FRMD4B: variants seen among roughly 807,000 people sequenced by gnomAD.
FRMD4B encodes FERM domain-containing protein 4B.
Under a neutral mutation model 141.5 loss-of-function variants are expected in FRMD4B, and 74 were observed. The ratio of observed to expected loss-of-function variants is 0.52; its 90% confidence interval spans 0.43 to 0.63. The LOEUF (loss-of-function observed/expected upper bound fraction) is 0.63. Ranked by LOEUF, FRMD4B falls within the 30% of genes least tolerant of loss-of-function variation. FRMD4B has a pLI of 0.00. For missense variants in FRMD4B, 1,366 were observed against 1,253.4 expected (o/e 1.09, Z -1.36); for synonymous variants, 506 against 467.9 (o/e 1.08, Z -1.05).
intron 2 of FRMD4B, among the ~76,000 whole-genome samples, chr3:69,429,462 A>G (rs1385018753): frequency 6.6e-6 from 1 of 152,224 alleles, no homozygotes; most frequent in African/African-American, 2.4e-5. Flanking sequence ...ATAGGTGACG[A>G]GCATGGTTAT....
At chr3:69,390,524 A>G (rs575231903), upstream of FRMD4B, among the ~76,000 whole-genome samples, 1 of 152,232 alleles carries the variant, frequency 6.6e-6, no homozygotes, top group East Asian at 1.9e-4. Context: ...AATGCACTGG[A>G]GAGCCCCCAG....
chr3:69,198,462 T>C (rs1019813350), intron 12 of FRMD4B: 8 of 469,504 alleles, frequency 1.7e-5, no homozygotes, highest in African/African-American at 1.6e-4. Context: ...TGTGTCGGCA[T>C]TGGAACCACA....
chr3:69,381,132 C>G (rs562294193), intron 1 of FRMD4B, among the ~76,000 whole-genome samples: 4 of 152,288 alleles, frequency 2.6e-5, no homozygotes, highest in Admixed American at 2.6e-4. Flanking sequence ...TCAAGGCAGC[C>G]TCAATGCAGC....
chr3:69,376,935 C>T (rs1703987606), intron 1 of FRMD4B: 3 of 152,002 alleles, frequency 2.0e-5, no homozygotes, highest in African/African-American at 7.3e-5. Flanking sequence ...TTTTATGCTA[C>T]AAGCTCCACC....
intron 1 of FRMD4B, chr3:69,353,563 C>T (rs1000232400): frequency 1.0e-6 from 1 of 985,084 alleles, no homozygotes; most frequent in South Asian, 4.7e-5. Flanking sequence ...ACCATGACCT[C>T]GGCTCATTTA....
At position 69,371,241 on chromosome 3, in the gene FRMD4B, G is replaced by A. The variant is rs1380928237; in HGVS notation, c.162+14587C>T. On this transcript the variant is annotated intron_variant, in intron 1 of 22. Coordinates refer to ENST00000398540, the MANE Select transcript of FRMD4B (RefSeq NM_015123.3). ...TGGGCTACAACTCTGAGGCTGGAAT[G>A]TGCTTGGCAGGTTTGAGGGACAGCA... Among the ~76,000 whole-genome samples, 6 of 152,208 alleles carry A rather than the reference G, an allele frequency of 3.9e-5. No individual in the cohort carries two copies. The South Asian group carries it at 6.2e-4, about 16-fold the overall frequency.
At chr3:69,373,198 G>A (rs1009851039) in intron 1 of FRMD4B, among the ~76,000 whole-genome samples, 11 of 152,334 alleles carry the variant, frequency 7.2e-5, no homozygotes, top group African/African-American at 2.4e-4. Context: ...AGATGTGGCA[G>A]TTTTACCGAC....
chr3:69,342,797 A>G (rs768873477), intron 1 of FRMD4B, among the ~76,000 whole-genome samples: 3 of 152,140 alleles, frequency 2.0e-5, no homozygotes, highest in Admixed American at 6.6e-5. Context: ...TTGAAACTAT[A>G]TATTACTGCT....
rs184967323 is a variant in FRMD4B at position 69,352,811 on chromosome 3, C to G, written c.162+33017G>C. On this transcript the variant is annotated intron_variant, in intron 1 of 22. Transcript: ENST00000398540. ...GATCACATAGAATCCTCACCACAAA[C>G]TAGACTGGAGGACAAAATTCAATTT... Among the ~76,000 whole-genome samples the G allele has an allele frequency of 2.0e-4, 31 of 152,316 alleles. No individual in the cohort carries two copies. The East Asian group carries it at 5.6e-3, about 27-fold the overall frequency.
intron 19 of FRMD4B, among the ~76,000 whole-genome samples, chr3:69,187,343 C>T (rs1389874558): frequency 3.3e-5 from 5 of 151,576 alleles, no homozygotes; most frequent in South Asian, 2.1e-4. Context: ...GTTGGGAGTT[C>T]GAGACCACCC....
intron 1 of FRMD4B, among the ~76,000 whole-genome samples, chr3:69,463,912 T>C (rs1705741381): frequency 6.6e-6 from 1 of 152,178 alleles, no homozygotes; most frequent in South Asian, 2.1e-4. Flanking sequence ...GTAGAAAGAT[T>C]ACTGGGTATC....
chr3:69,215,446 C>G (rs2093131647), intron 11 of FRMD4B, among the ~76,000 whole-genome samples: 2 of 151,482 alleles, frequency 1.3e-5, no homozygotes, highest in Admixed American at 6.6e-5. Context: ...ATGCCTGCCA[C>G]TACACGTGGC....
intron 1 of FRMD4B, among the ~76,000 whole-genome samples, chr3:69,364,559 G>A (rs915993836): frequency 1.3e-5 from 2 of 152,078 alleles, no homozygotes; most frequent in African/African-American, 2.4e-5. Flanking sequence ...CAAATCTGTG[G>A]GTCAACCCAT....
intron 6 of FRMD4B, among the ~76,000 whole-genome samples, chr3:69,249,470 G>C (rs1409249736): frequency 2.0e-5 from 3 of 152,160 alleles, no homozygotes. Flanking sequence ...AGAAACATAT[G>C]TATGTGAAAA....
intron 1 of FRMD4B, among the ~76,000 whole-genome samples, chr3:69,365,769 A>G (rs111851171): frequency 0.042 from 6,317 of 152,122 alleles, 164 homozygotes; most frequent in Non-Finnish European, 0.062. Context: ...AAGTGCTGGG[A>G]TTACAGGTGT....
chr3:69,379,161 G>A (rs1035821384), intron 1 of FRMD4B, among the ~76,000 whole-genome samples: 1 of 152,168 alleles, frequency 6.6e-6, no homozygotes, highest in Non-Finnish European at 1.5e-5. Context: ...TTTCAGGTAT[G>A]AATGAACAAA....
intron 1 of FRMD4B, among the ~76,000 whole-genome samples, chr3:69,516,337 A>G (rs1272795206): frequency 6.6e-6 from 1 of 152,230 alleles, no homozygotes; most frequent in East Asian, 1.9e-4. Context: ...AAGGATCTTA[A>G]GACGGGGATG....
intron 2 of FRMD4B, among the ~76,000 whole-genome samples, chr3:69,409,364 A>C (rs1255934579): frequency 6.6e-6 from 1 of 152,184 alleles, no homozygotes; most frequent in African/African-American, 2.4e-5. Context: ...GGAGATTCCT[A>C]GGCATGGTCC....
chr3:69,215,928 C>T (rs1328353439), intron 11 of FRMD4B, among the ~76,000 whole-genome samples: 1 of 152,044 alleles, frequency 6.6e-6, no homozygotes, highest in Non-Finnish European at 1.5e-5. Context: ...CCAAGGTGGG[C>T]AGATCACTTG....
Sources: gnomAD v4.1 joint callset for allele counts (sites outside exome capture counted in the v4.1 genomes callset) on GRCh38, gnomAD v4.1.1 for gene constraint, MANE v1.5 for transcripts, NCBI Gene and HGNC (gene_info 2026-07-23, HGNC 2026-07-21) for gene names.